Variants in SYN3 observed in about 807,000 individuals in gnomAD.
SYN3 encodes synapsin III, also known as synapsin-3.
Under a neutral mutation model 65.8 loss-of-function variants are expected in SYN3, and 35 were observed. The observed-to-expected ratio is 0.53, with a 90% CI of 0.41 to 0.70. The LOEUF is 0.70. Among genes scored for constraint, SYN3 ranks in the 30% least tolerant of loss-of-function variants. The probability of loss-of-function intolerance (pLI) is 0.00; values close to 1 mark genes in which losing one functional copy is unlikely to be tolerated. For missense variants in SYN3, 680 were observed against 749.0 expected, an observed-to-expected ratio of 0.91 and a Z score of 1.08; for synonymous variants, 270 against 292.9, an observed-to-expected ratio of 0.92 and a Z score of 0.80.
At chr22:32,823,539 G>C (rs968486328) in intron 6 of SYN3, among the ~76,000 whole-genome samples, 1 of 152,212 alleles carries the variant, frequency 6.6e-6, no homozygotes, top group African/African-American at 2.4e-5. Flanking sequence ...CAGGCCTGGA[G>C]GGTGGTGGTC....
intron 6 of SYN3, among the ~76,000 whole-genome samples, chr22:32,623,334 T>C (rs28373783): frequency 0.095 from 14,454 of 152,038 alleles, 1,627 homozygotes; most frequent in African/African-American, 0.27. Context: ...GGACTACAGA[T>C]GCATGCCATC....
intron 7 of SYN3, among the ~76,000 whole-genome samples, chr22:32,569,559 CTCTCTCTCTCTCTA>C (rs1363170278): frequency 1.5e-3 from 75 of 51,214 alleles, no homozygotes; most frequent in African/African-American, 3.7e-3. Flanking sequence ...CTCTCTCTCT[CTCTCTCTCTCTCTA>C]TATATATATA....
At chr22:32,756,523 T>C (rs949443376) in intron 6 of SYN3, among the ~76,000 whole-genome samples, 1 of 152,240 alleles carries the variant, frequency 6.6e-6, no homozygotes, top group Non-Finnish European at 1.5e-5. Context: ...TGATATAGTT[T>C]GGATGTCCCC....
At chr22:32,907,482 C>T (rs887202019) in intron 4 of SYN3, among the ~76,000 whole-genome samples, 6 of 152,156 alleles carry the variant, frequency 3.9e-5, no homozygotes, top group African/African-American at 1.4e-4. Flanking sequence ...TCAGCAAATG[C>T]CTACTATGTG....
At chr22:32,696,683 A>G (rs1475978) in intron 6 of SYN3, among the ~76,000 whole-genome samples, 25,652 of 152,150 alleles carry the variant, frequency 0.17, 3,292 homozygotes, top group East Asian at 0.6. Flanking sequence ...GGATGAAAAA[A>G]TGAATGCATT....
At chr22:32,765,266 G>T (rs1241025987) in intron 6 of SYN3, among the ~76,000 whole-genome samples, 1 of 151,950 alleles carries the variant, frequency 6.6e-6, no homozygotes, top group Non-Finnish European at 1.5e-5. Context: ...GCTGTGAAAA[G>T]AAAGTACAAG....
chr22:32,566,002 G>A (rs951473390), intron 7 of SYN3, among the ~76,000 whole-genome samples: 11 of 151,958 alleles, frequency 7.2e-5, no homozygotes, highest in South Asian at 4.2e-4. Flanking sequence ...ATAAGCCACC[G>A]CGCCCAGCCT....
intron 12 of SYN3, among the ~76,000 whole-genome samples, chr22:32,526,026 C>G (rs976959926): frequency 1.3e-5 from 2 of 152,192 alleles, no homozygotes; most frequent in African/African-American, 4.8e-5. Context: ...GACCCTCCAT[C>G]AGCAGAAAGG....
intron 6 of SYN3, among the ~76,000 whole-genome samples, chr22:32,835,398 A>G (rs2146158810): frequency 6.6e-6 from 1 of 152,306 alleles, no homozygotes; most frequent in East Asian, 1.9e-4. Flanking sequence ...AAATGAATCT[A>G]CGAACATATA....
At chr22:32,604,448 CTT>C (rs1391323201) in intron 6 of SYN3, among the ~76,000 whole-genome samples, 11 of 136,238 alleles carry the variant, frequency 8.1e-5, no homozygotes, top group Non-Finnish European at 1.6e-4. Flanking sequence ...CAGCCACGGT[CTT>C]TGCGTAAGCT....
chr22:32,517,936 G>T (rs1453368117), intron 13 of SYN3, 107 bp downstream of exon 13: 3 of 1,248,112 alleles, frequency 2.4e-6, no homozygotes, highest in Non-Finnish European at 3.2e-6. Context: ...TCTAGGCAAG[G>T]CCTCGTTGGG....
intron 4 of SYN3, among the ~76,000 whole-genome samples, chr22:32,929,154 T>C (rs2146683293): frequency 6.6e-6 from 1 of 152,086 alleles, no homozygotes; most frequent in East Asian, 1.9e-4. Flanking sequence ...TGGTGGTGCA[T>C]GTCTGTAATC....
chr22:32,764,189 C>T (rs2045563634), intron 6 of SYN3, among the ~76,000 whole-genome samples: 2 of 152,082 alleles, frequency 1.3e-5, no homozygotes, highest in Admixed American at 6.6e-5. Context: ...GTGATCCACC[C>T]GCCTCGGCCT....
chr22:32,994,909 T>C (rs1251039358), intron 2 of SYN3, among the ~76,000 whole-genome samples: 1 of 152,202 alleles, frequency 6.6e-6, no homozygotes, highest in Non-Finnish European at 1.5e-5. Context: ...GCCTAAGCCG[T>C]GTACCAGCTC....
At chr22:32,607,505 G>C (rs145091013) in intron 6 of SYN3, among the ~76,000 whole-genome samples, 2 of 152,258 alleles carry the variant, frequency 1.3e-5, no homozygotes, top group East Asian at 3.9e-4. Flanking sequence ...GGGCCCAGGA[G>C]ATGTTTGCAG....
intron 3 of SYN3, among the ~76,000 whole-genome samples, chr22:32,956,604 T>C (rs892318075): frequency 2.0e-5 from 3 of 152,248 alleles, no homozygotes; most frequent in Non-Finnish European, 4.4e-5. Flanking sequence ...TTGTAGCATA[T>C]GCCAGAATTC....
chr22:32,896,627 TAA>T (rs2049601018), intron 4 of SYN3, among the ~76,000 whole-genome samples: 1 of 152,258 alleles, frequency 6.6e-6, no homozygotes, highest in African/African-American at 2.4e-5. Flanking sequence ...AATTTGAAAT[TAA>T]TTAGAACCAA....
At chr22:32,788,816 A>G (rs778222185) in intron 6 of SYN3, among the ~76,000 whole-genome samples, 27 of 152,342 alleles carry the variant, frequency 1.8e-4, no homozygotes, top group Non-Finnish European at 3.7e-4. Flanking sequence ...CATTGCCACT[A>G]GTCATTACGG....
intron 3 of SYN3, among the ~76,000 whole-genome samples, chr22:32,965,543 C>CGT (rs10602672): frequency 0.065 from 9,513 of 147,244 alleles, 321 homozygotes; most frequent in Non-Finnish European, 0.078. Context: ...ATGGTGCGTA[C>CGT]GTGTGTGTGT....
Sources: gnomAD v4.1 joint callset for allele counts (sites outside exome capture counted in the v4.1 genomes callset) on GRCh38, gnomAD v4.1.1 for gene constraint, MANE v1.5 for transcripts, NCBI Gene and HGNC (gene_info 2026-07-23, HGNC 2026-07-21) for gene names.